The following NRG1 variants were observed in gnomAD, a reference collection of about 807,000 sequenced individuals.
The protein encoded by NRG1 is neuregulin 1.
Under a neutral mutation model 63.8 loss-of-function variants are expected in NRG1, and 18 were observed. The observed-to-expected ratio is 0.28, with a 90% CI of 0.19 to 0.42. The LOEUF is 0.42. Among genes scored for constraint, NRG1 ranks in the 10% least tolerant of loss-of-function variants. NRG1 has a pLI of 1.00. For synonymous variants in NRG1, 302 were observed against 301.3 expected, an observed-to-expected ratio of 1.00 and a Z score of -0.02; for missense variants, 762 against 814.7, an observed-to-expected ratio of 0.94 and a Z score of 0.79.
At chr8:32,648,232 C>T (rs916501513) in intron 5 of NRG1, 3 of 1,613,912 alleles carry the variant, frequency 1.9e-6, no homozygotes, top group African/African-American at 2.7e-5. Context: ...TCAGCGGCAC[C>T]GACACCGAAG....
intron 1 of NRG1, among the ~76,000 whole-genome samples, chr8:32,016,105 C>G (rs1024961646): frequency 6.6e-6 from 1 of 152,102 alleles, no homozygotes; most frequent in African/African-American, 2.4e-5. Flanking sequence ...GATAGGTAGG[C>G]ATAACATTCA....
At chr8:32,048,434 C>G (rs1362642448) in intron 1 of NRG1, among the ~76,000 whole-genome samples, 1 of 73,078 alleles carries the variant, frequency 1.4e-5, no homozygotes, top group African/African-American at 5.2e-5. Context: ...CATATGTACA[C>G]ATATATACAT....
At position 32,027,456 on chromosome 8, in the gene NRG1, C is replaced by CCTTCCTTCCTTT. The variant is rs1817598984; in HGVS notation, c.37+388036_37+388037insTCTTCCTTCCTT. On this transcript the variant is annotated intron_variant, in intron 1 of 10. Transcript: ENST00000519301. ...TCCTTCCTTCCTTCCTTCCTTCCTT[C>CCTTCCTTCCTTT]CTTCCTTCCTTCCCTCCCTCCCTCC... 2.4e-5 allele frequency among the ~76,000 whole-genome samples: 3 copies of CCTTCCTTCCTTT among 126,670 alleles called. No individual in the cohort carries two copies. The South Asian group carries it at 9.5e-4, about 40-fold the overall frequency. The allele number at this position is 126,670 out of a possible 152,430, so 83.1% of individuals were successfully genotyped here. A position where few individuals can be genotyped will look rare whatever the true frequency, so the allele number is the denominator to read the frequency against.
intron 1 of NRG1, among the ~76,000 whole-genome samples, chr8:32,569,959 GTGCAGTGGCGCGATC>G (rs1421508622): frequency 6.9e-6 from 1 of 145,136 alleles, no homozygotes; most frequent in Middle Eastern, 3.3e-3. Flanking sequence ...CCAGGCTGGA[GTGCAGTGGCGCGATC>G]TTGGCTCACT....
At chr8:31,854,578 A>T (rs2129609556) in intron 1 of NRG1, among the ~76,000 whole-genome samples, 2 of 151,982 alleles carry the variant, frequency 1.3e-5, no homozygotes, top group Middle Eastern at 6.8e-3. Flanking sequence ...GGATTCATTA[A>T]TTTTTTGAAG....
At chr8:32,550,448 T>A (rs1285969280) in intron 1 of NRG1, among the ~76,000 whole-genome samples, 1 of 152,104 alleles carries the variant, frequency 6.6e-6, no homozygotes, top group East Asian at 1.9e-4. Flanking sequence ...TTATCACTGT[T>A]TGTGGTTGTG....
chr8:32,206,096 C>T (rs1271790504), intron 1 of NRG1, among the ~76,000 whole-genome samples: 2 of 151,926 alleles, frequency 1.3e-5, no homozygotes, highest in African/African-American at 4.8e-5. Flanking sequence ...AGAATGAGAC[C>T]CTGTCTCATT....
At chr8:32,141,736 A>G (rs1836306907) in intron 1 of NRG1, among the ~76,000 whole-genome samples, 1 of 151,412 alleles carries the variant, frequency 6.6e-6, no homozygotes, top group Non-Finnish European at 1.5e-5. Context: ...GCTAAAGATC[A>G]GCATACACAT....
intron 1 of NRG1, among the ~76,000 whole-genome samples, chr8:32,419,797 A>G (rs1816451116): frequency 6.6e-6 from 1 of 152,216 alleles, no homozygotes; most frequent in Non-Finnish European, 1.5e-5. Flanking sequence ...CTTGACTAGA[A>G]TACCTCGTCA....
chr8:31,825,902 T>A (rs1385488026), intron 1 of NRG1, among the ~76,000 whole-genome samples: 1 of 152,212 alleles, frequency 6.6e-6, no homozygotes, highest in Admixed American at 6.5e-5. Context: ...TAGTGCTAGT[T>A]ACTTGAGCTA....
rs73672606 is a variant in NRG1 at position 32,764,113 on chromosome 8, G to A, written c.1625G>A (p.Arg542Gln). ...CCTGTTAAGAAACTCGCCAATAGCC[G>A]GCGGGCCAAAAGAACCAAGCCCAAT... The change falls in exon 12 of 12, where the codon CGG becomes CAG. Residue 542 changes from arginine (R) to glutamine (Q), a missense_variant. Around this residue, in one of 3 missense-constraint regions of NRG1, gnomAD observed 503 missense variants for 506.8 expected, o/e 0.99. Coordinates refer to ENST00000356819, the Ensembl canonical transcript of NRG1. The A allele has an allele frequency of 4.6e-3, 7,421 of 1,614,008 alleles. 291 individuals are homozygous for A. In the African/African-American group the frequency reaches 0.086, roughly 19 times the overall value.
chr8:31,940,182 T>C (rs1369525163), intron 1 of NRG1, among the ~76,000 whole-genome samples: 3 of 152,014 alleles, frequency 2.0e-5, no homozygotes, highest in Non-Finnish European at 4.4e-5. Context: ...TTTAAGAACA[T>C]TGAAATTACA....
chr8:32,044,888 C>T (rs1002357504), intron 1 of NRG1, among the ~76,000 whole-genome samples: 1 of 74,494 alleles, frequency 1.3e-5, no homozygotes, highest in Admixed American at 1.6e-4. Context: ...TAAGCAGCCA[C>T]CTTAAGAACT....
chr8:32,638,721 GAT>G (rs1396220075), intron 5 of NRG1, among the ~76,000 whole-genome samples: 1 of 152,114 alleles, frequency 6.6e-6, no homozygotes, highest in Non-Finnish European at 1.5e-5. Flanking sequence ...CAAATCATAA[GAT>G]ATTTTTATCT....
intron 1 of NRG1, among the ~76,000 whole-genome samples, chr8:32,093,092 G>T (rs2131289078): frequency 6.6e-6 from 1 of 152,308 alleles, no homozygotes; most frequent in South Asian, 2.1e-4. Context: ...TGTCTATGTA[G>T]AAAGAAGTAG....
chr8:31,801,490 T>G (rs1821783092), intron 1 of NRG1, among the ~76,000 whole-genome samples: 1 of 152,188 alleles, frequency 6.6e-6, no homozygotes, highest in Non-Finnish European at 1.5e-5. Flanking sequence ...AATCCATTTT[T>G]AAGAAGCAGA....
intron 1 of NRG1, among the ~76,000 whole-genome samples, chr8:32,220,509 G>A (rs1385037509): frequency 6.6e-6 from 1 of 152,054 alleles, no homozygotes; most frequent in Non-Finnish European, 1.5e-5. Context: ...GGGATCCTTC[G>A]GATAACGGCT....
chr8:31,760,273 G>A (rs1586204056), intron 1 of NRG1, among the ~76,000 whole-genome samples: 2 of 152,132 alleles, frequency 1.3e-5, no homozygotes, highest in Admixed American at 6.6e-5. Flanking sequence ...CATATGGCTA[G>A]CCAGTTTTCC....
chr8:32,172,400 A>G (rs1056605408), intron 1 of NRG1, among the ~76,000 whole-genome samples: 2 of 152,214 alleles, frequency 1.3e-5, no homozygotes, highest in African/African-American at 4.8e-5. Context: ...TGAGGAAAAA[A>G]CAGAGCAGAA....
Sources: allele counts gnomAD v4.1 joint callset (sites outside exome capture counted in the v4.1 genomes callset), GRCh38; gene constraint gnomAD v4.1.1; regional missense constraint gnomAD v4.1.1; transcripts MANE v1.5; gene names NCBI Gene and HGNC (gene_info 2026-07-23, HGNC 2026-07-21).